Variants in SLC7A2 observed in about 807,000 individuals in gnomAD.
SLC7A2 encodes the protein cationic amino acid transporter 2.
SLC7A2 carries 48 observed loss-of-function variants against 58.9 expected under a neutral mutation model. The ratio of observed to expected loss-of-function variants is 0.82; its 90% CI spans 0.65 to 1.04. SLC7A2 has a LOEUF of 1.04. SLC7A2 is among the 50% of genes least tolerant of loss of function. The pLI, the probability that SLC7A2 is intolerant of heterozygous loss-of-function variation, is 0.00. For missense variants in SLC7A2, 1,029 were observed against 818.8 expected (o/e 1.26, Z -3.13); for synonymous variants, 363 against 314.5 (o/e 1.15, Z -1.63).
upstream of SLC7A2, among the ~76,000 whole-genome samples, chr8:17,495,663 C>T (rs1799939725): frequency 6.6e-6 from 1 of 152,198 alleles, no homozygotes. Flanking sequence ...GATTCTCCTG[C>T]CTCAACCTCC....
chr8:17,494,126 C>G (rs142747552), upstream of SLC7A2, among the ~76,000 whole-genome samples: 435 of 152,234 alleles, frequency 2.9e-3, 3 homozygotes, highest in African/African-American at 9.9e-3. Flanking sequence ...CTTGTCTTCG[C>G]TAAAATAGTT....
rs926244703 is a variant in SLC7A2, at chr8:17,558,811, G to A, written c.1298+414G>A. Among the ~76,000 whole-genome samples, 11 of 152,148 alleles carry A rather than the reference G, an allele frequency of 7.2e-5. No homozygotes were observed. In the East Asian group the frequency reaches 2.1e-3, roughly 29 times the overall value. ...CTAACCTGAATATCACTAGAGGAGT[G>A]GTTAAATAAATGAGGCTACATTTGT... On this transcript the variant is annotated intron_variant, in intron 9 of 12. Coordinates refer to ENST00000494857, the MANE Select transcript of SLC7A2 (RefSeq NM_001370338.1).
rs1802600593 is a variant in SLC7A2, at chr8:17,554,598, A to G, written c.1094A>G (p.Tyr365Cys). 2.5e-6 allele frequency: 4 copies of G among 1,613,074 alleles called. No individual in the cohort carries two copies. Among genetic ancestry groups the G allele is most frequent in the Admixed American group, 3.4e-5 (2 of 59,522 alleles). Residue 365 changes from tyrosine (Y) to cysteine (C), a missense_variant, in exon 8 of 13, where the codon TAT (tyrosine) becomes TGT (cysteine). Transcript: ENST00000494857. ...ATTTTCCCAATGCCTCGTGTAATCT[A>G]TGCTATGGCGGAGGATGGGTTGCTT... ...GSIFPMPRVI[Y>C]AMAEDGLLFK... is the part of the protein sequence containing the mutation.
At chr8:17,496,425 C>T (rs1191793366), upstream of SLC7A2, among the ~76,000 whole-genome samples, 1 of 152,184 alleles carries the variant, frequency 6.6e-6, no homozygotes, top group Non-Finnish European at 1.5e-5. Flanking sequence ...AACAGGCTTT[C>T]ACATTGTGAC....
intron 2 of SLC7A2, among the ~76,000 whole-genome samples, chr8:17,541,670 A>T (rs1436501002): frequency 6.6e-6 from 1 of 152,200 alleles, no homozygotes; most frequent in Admixed American, 6.5e-5. Flanking sequence ...GTTTTGGTAG[A>T]CAATCCCATG....
intron 6 of SLC7A2, among the ~76,000 whole-genome samples, chr8:17,551,187 G>T (rs1475629056): frequency 3.9e-5 from 6 of 152,034 alleles, no homozygotes; most frequent in Non-Finnish European, 7.4e-5. Flanking sequence ...TGGTTGGTTG[G>T]TTTTTTTCTT....
chr8:17,540,442 A>G (rs1801862568), intron 2 of SLC7A2, among the ~76,000 whole-genome samples: 1 of 152,116 alleles, frequency 6.6e-6, no homozygotes, highest in Non-Finnish European at 1.5e-5. Flanking sequence ...GACTACCCAT[A>G]AAATACTTTT....
chr8:17,537,664 C>T (rs1028181296), intron 2 of SLC7A2, among the ~76,000 whole-genome samples: 3 of 152,082 alleles, frequency 2.0e-5, no homozygotes, highest in African/African-American at 7.2e-5. Flanking sequence ...TGCAAAGGCA[C>T]ATATAAGGTG....
intron 2 of SLC7A2, chr8:17,520,757 A>G (rs1411802598): frequency 1.8e-5 from 17 of 937,894 alleles, no homozygotes; most frequent in Non-Finnish European, 2.0e-5. Context: ...TGAGAGGAAT[A>G]AAAGGGTATC....
chr8:17,536,384 G>C (rs910347870), intron 2 of SLC7A2, among the ~76,000 whole-genome samples: 1 of 152,118 alleles, frequency 6.6e-6, no homozygotes, highest in Non-Finnish European at 1.5e-5. Context: ...GGCCAACATG[G>C]GGAAAACCTG....
chr8:17,535,156 A>G (rs1801611807), intron 2 of SLC7A2, among the ~76,000 whole-genome samples: 1 of 152,118 alleles, frequency 6.6e-6, no homozygotes, highest in South Asian at 2.1e-4. Context: ...AGCTCCTTGC[A>G]TGGCCTAGGG....
intron 4 of SLC7A2, among the ~76,000 whole-genome samples, chr8:17,545,403 C>CTTTTT (rs386412194): frequency 0.015 from 962 of 64,238 alleles, 1 homozygote; most frequent in Non-Finnish European, 0.018. Flanking sequence ...TGAACATTTT[C>CTTTTT]TTTTTTTTTT....
Position 17,569,743 on chromosome 8 carries a change from T to C in SLC7A2, c.*4597T>C, listed in dbSNP as rs951139169. The C allele has an allele frequency of 1.3e-5, 2 of 152,194 alleles. No individual in the cohort carries two copies. Among genetic ancestry groups the C allele is most frequent in the African/African-American group, 4.8e-5 (2 of 41,458 alleles). The allele number at this position is 152,194 out of a possible 1,614,324, so 9.4% of individuals were successfully genotyped here. Reference sequence around the variant, plus strand: ...TATTGCTCAACCCAACTGGTAACACTGTTTGCTGGGAGCATTATACTTAAC... The same window carrying C: ...TATTGCTCAACCCAACTGGTAACACCGTTTGCTGGGAGCATTATACTTAAC... On this transcript the variant is annotated 3_prime_UTR_variant, in exon 13 of 13. Coordinates refer to ENST00000494857, the MANE Select transcript of SLC7A2 (RefSeq NM_001370338.1).
chr8:17,547,785 A>AGTGTGTGTGTGTGTGTGT lies in SLC7A2; in HGVS notation c.533-872_533-855dup, dbSNP rs35052068. On this transcript the variant is annotated intron_variant, in intron 4 of 12. Transcript: ENST00000494857. ...GATTATATATTTACTGGCACAAAAG[A>AGTGTGTGTGTGTGTGTGT]GTGTGTGTGTGTGTGTGTGTGTGTG... is the stretch of plus-strand genomic sequence containing the variant. 1.9e-3 allele frequency among the ~76,000 whole-genome samples: 277 copies of AGTGTGTGTGTGTGTGTGT among 144,808 alleles called. 2 individuals carry two copies. Among genetic ancestry groups the AGTGTGTGTGTGTGTGTGT allele is most frequent in the Non-Finnish European group, 3.0e-3 (200 of 65,860 alleles). The allele number at this position is 144,808 out of a possible 152,430, so 95.0% of individuals were successfully genotyped here. A position where few individuals can be genotyped will look rare whatever the true frequency, so the allele number is the denominator to read the frequency against.
intron 2 of SLC7A2, among the ~76,000 whole-genome samples, chr8:17,514,845 C>T (rs1800740259): frequency 6.6e-6 from 1 of 152,174 alleles, no homozygotes; most frequent in African/African-American, 2.4e-5. Flanking sequence ...ATAAGTTTTA[C>T]TGAAATGAGA....
intron 1 of SLC7A2, among the ~76,000 whole-genome samples, chr8:17,499,453 G>A (rs941207438): frequency 6.7e-6 from 1 of 150,288 alleles, no homozygotes; most frequent in African/African-American, 2.5e-5. Flanking sequence ...GCCATCTGCT[G>A]GTTTTACTTT....
At chr8:17,499,114 T>G (rs1800057456) in intron 1 of SLC7A2, 1 of 152,336 alleles carries the variant, frequency 6.6e-6, no homozygotes, top group Non-Finnish European at 1.5e-5. Context: ...CTTAAGCCCT[T>G]GTTTCTCCTG....
At chr8:17,507,111 A>T (rs1489978173) in intron 2 of SLC7A2, among the ~76,000 whole-genome samples, 2 of 151,430 alleles carry the variant, frequency 1.3e-5, no homozygotes, top group Non-Finnish European at 2.9e-5. Context: ...TGCCTGGCTA[A>T]TTTTTTTTGT....
chr8:17,510,718 A>T (rs1340251345), intron 2 of SLC7A2: 1 of 152,202 alleles, frequency 6.6e-6, no homozygotes, highest in Non-Finnish European at 1.5e-5. Flanking sequence ...GCCAGAAATG[A>T]AATACCATTT....
Sources: gnomAD v4.1 joint callset for allele counts (sites outside exome capture counted in the v4.1 genomes callset) on GRCh38, gnomAD v4.1.1 for gene constraint, MANE v1.5 for transcripts, NCBI Gene and HGNC (gene_info 2026-07-23, HGNC 2026-07-21) for gene names.